The following PGBD5 variants were observed in gnomAD, a reference collection of about 807,000 sequenced individuals.
PGBD5 encodes piggyBac transposable element-derived protein 5.
PGBD5 carries 14 observed loss-of-function variants against 47.9 expected under a neutral mutation model. That is an observed-to-expected ratio of 0.29 (90% CI 0.19 to 0.46). The LOEUF (loss-of-function observed/expected upper bound fraction) is 0.46, where lower values mean the gene tolerates loss of function less well. Among genes scored for constraint, PGBD5 ranks in the 20% least tolerant of loss-of-function variants. The probability of loss-of-function intolerance (pLI) is 1.00; values close to 1 mark genes in which losing one functional copy is unlikely to be tolerated. For synonymous variants in PGBD5, 316 were observed against 306.3 expected (o/e 1.03, Z -0.33); for missense variants, 635 against 716.0 (o/e 0.89, Z 1.29).
intron 1 of PGBD5, among the ~76,000 whole-genome samples, chr1:230,367,163 A>T (rs531961650): frequency 6.6e-6 from 1 of 152,072 alleles, no homozygotes; most frequent in Admixed American, 6.5e-5. Context: ...CTTCAGTCGC[A>T]ATCAAATTGG....
intron 1 of PGBD5, among the ~76,000 whole-genome samples, chr1:230,406,797 G>A (rs559122782): frequency 1.2e-4 from 18 of 152,222 alleles, no homozygotes; most frequent in Admixed American, 6.5e-4. Context: ...ACTATACCAC[G>A]TTAAAAATTC....
At chr1:230,341,898 A>AAT (rs974829047) in intron 3 of PGBD5, among the ~76,000 whole-genome samples, 9 of 152,010 alleles carry the variant, frequency 5.9e-5, no homozygotes, top group South Asian at 4.2e-4. Context: ...ATGATTTTTA[A>AAT]ATATATATAT....
In PGBD5 at chr1:230,350,717, G is replaced by A. The variant is rs529203632; in HGVS notation, c.894+241C>T. On this transcript the variant is annotated intron_variant, in intron 3 of 6. Coordinates refer to ENST00000391860, the MANE Select transcript of PGBD5 (RefSeq NM_001258311.2). Reference sequence around the variant, plus strand: ...TTACCCAGATGGGCTTGAGTCTGGAGGAAGAATGTGCAGGGAACGGGGCCA... The same window carrying A: ...TTACCCAGATGGGCTTGAGTCTGGAAGAAGAATGTGCAGGGAACGGGGCCA... Among the ~76,000 whole-genome samples the A allele has an allele frequency of 1.2e-4, 18 of 152,320 alleles. No homozygotes were observed. In the South Asian group the frequency reaches 3.5e-3, roughly 30 times the overall value.
intron 2 of PGBD5, 93 bp downstream of exon 2, chr1:230,356,801 A>C (rs1667652415): frequency 3.7e-6 from 5 of 1,363,178 alleles, no homozygotes; most frequent in Non-Finnish European, 1.0e-6. Flanking sequence ...CAGGCAGGGC[A>C]GGAAGGACAC....
chr1:230,402,036 G>A (rs1176314848), intron 1 of PGBD5, among the ~76,000 whole-genome samples: 1 of 152,202 alleles, frequency 6.6e-6, no homozygotes, highest in African/African-American at 2.4e-5. Flanking sequence ...AGGAAGTGGT[G>A]GGTGACAGGG....
At chr1:230,383,630 C>T (rs1451349928) in intron 1 of PGBD5, among the ~76,000 whole-genome samples, 1 of 152,166 alleles carries the variant, frequency 6.6e-6, no homozygotes, top group Non-Finnish European at 1.5e-5. Flanking sequence ...CCCACCGCAT[C>T]CCCTTGGCTT....
At chr1:230,403,551 G>A (rs1485954647) in intron 1 of PGBD5, among the ~76,000 whole-genome samples, 1 of 152,212 alleles carries the variant, frequency 6.6e-6, no homozygotes, top group Non-Finnish European at 1.5e-5. Context: ...AAGGCCTCAG[G>A]GGAGGCTGGC....
In PGBD5 at chr1:230,357,618, C is replaced by G. The variant is rs1667672413; in HGVS notation, c.332-297G>C. On this transcript the variant is annotated intron_variant, in intron 1 of 6. Coordinates refer to ENST00000391860, the MANE Select transcript of PGBD5 (RefSeq NM_001258311.2). This position sits in a 1 kb window ranked among gnomAD's most constrained non-coding sequence, Gnocchi z 5.7. ...ACAGCCCTGACACCCGGAGTGCAAG[C>G]TGCAGCCTGCATCTCCACACCAGAC... 6.6e-6 allele frequency among the ~76,000 whole-genome samples: 1 copy of G among 152,168 alleles called. No individual in the cohort carries two copies. Among genetic ancestry groups the G allele is most frequent in the South Asian group, 2.1e-4 (1 of 4,818 alleles).
In PGBD5 at chr1:230,333,050, A is replaced by C; in HGVS notation, c.1076-9T>G. On this transcript the variant is annotated splice_polypyrimidine_tract_variant and intron_variant, in intron 4 of 6. Transcript: ENST00000391860. ...GCCGCAGCAGTAAATCCCTGAGGGG[A>C]GAGGGAGGAAGGATCGCACACTCAC... The C allele has an allele frequency of 6.3e-7, 1 of 1,581,670 alleles. No homozygotes were observed. The highest frequency in any genetic ancestry group is 8.6e-7 in the Non-Finnish European group (1 of 1,164,066).
At chr1:230,398,528 C>T (rs1459962081) in intron 1 of PGBD5, among the ~76,000 whole-genome samples, 1 of 152,210 alleles carries the variant, frequency 6.6e-6, no homozygotes, top group African/African-American at 2.4e-5. Context: ...GGGGTTAGGA[C>T]TTCGACATAT....
intron 3 of PGBD5, 44 bp from the exon 4 acceptor site, chr1:230,337,332 C>T (rs1258271448): frequency 6.6e-7 from 1 of 1,524,658 alleles, no homozygotes; most frequent in Non-Finnish European, 8.8e-7. Flanking sequence ...ACAGCAGTGT[C>T]AGGCTGGGAG....
intron 1 of PGBD5, among the ~76,000 whole-genome samples, chr1:230,419,011 C>G (rs1657587275): frequency 6.6e-6 from 1 of 152,178 alleles, no homozygotes; most frequent in Non-Finnish European, 1.5e-5. Context: ...GGAGATTTCT[C>G]AAAGAACTGA....
At chr1:230,366,915 A>G (rs994345625) in intron 1 of PGBD5, among the ~76,000 whole-genome samples, 2 of 151,972 alleles carry the variant, frequency 1.3e-5, no homozygotes, top group Non-Finnish European at 2.9e-5. Context: ...CACTGTGTCT[A>G]CTTCTCACGA....
intron 5 of PGBD5, among the ~76,000 whole-genome samples, chr1:230,330,159 T>C (rs1227174647): frequency 1.3e-5 from 2 of 152,188 alleles, no homozygotes; most frequent in African/African-American, 4.8e-5. Context: ...TGGAGAGATG[T>C]GCAACCTCTC....
At chr1:230,386,484 A>G (rs1405801090) in intron 1 of PGBD5, among the ~76,000 whole-genome samples, 1 of 152,072 alleles carries the variant, frequency 6.6e-6, no homozygotes. Flanking sequence ...TCTTCTTAAG[A>G]GCGTTTGATG....
At position 230,323,488 on chromosome 1, in the gene PGBD5, C is replaced by A. The variant is rs770489131; in HGVS notation, c.1512G>T (p.Ala504=). 2.5e-6 allele frequency: 4 copies of A among 1,614,202 alleles called. No homozygotes were observed. The South Asian group carries it at 4.4e-5, about 18-fold the overall frequency. ...DAYHVKRYSR[A]QFGERLVREL... is the part of the protein sequence containing the mutation. ...CTCTGACGAGTCTCTCTCCAAACTG[C>A]GCCCGGCTGTACCTCTTCACGTGGT... The change falls in exon 7 of 7, where the codon GCG becomes GCT. Residue 504 remains alanine, a synonymous_variant. Transcript: ENST00000391860. This position sits in a 1 kb window ranked among gnomAD's most constrained non-coding sequence, Gnocchi z 4.1.
At chr1:230,420,632 T>G (rs914861215) in intron 1 of PGBD5, among the ~76,000 whole-genome samples, 1 of 152,130 alleles carries the variant, frequency 6.6e-6, no homozygotes, top group Non-Finnish European at 1.5e-5. Context: ...TTCTCTCTCT[T>G]TGCCTGCAGC....
intron 1 of PGBD5, among the ~76,000 whole-genome samples, chr1:230,358,166 A>G (rs1256212620): frequency 2.6e-5 from 4 of 152,074 alleles, no homozygotes; most frequent in Admixed American, 2.6e-4. Flanking sequence ...CCGCCACGCC[A>G]TCACACAGGG....
intron 1 of PGBD5, among the ~76,000 whole-genome samples, chr1:230,394,832 C>T (rs1414458670): frequency 7.7e-6 from 1 of 129,830 alleles, no homozygotes; most frequent in Non-Finnish European, 1.7e-5. Context: ...TCCCTATCCC[C>T]GAGCTCCTCT....
Sources: gnomAD v4.1 joint callset for allele counts (sites outside exome capture counted in the v4.1 genomes callset) on GRCh38, gnomAD v4.1.1 for gene constraint, Gnocchi (gnomAD v3.1) non-coding constraint, MANE v1.5 for transcripts, NCBI Gene and HGNC (gene_info 2026-07-23, HGNC 2026-07-21) for gene names.